The following PDE5A variants were observed in gnomAD, a reference collection of about 807,000 sequenced individuals.
The protein encoded by PDE5A is cGMP-specific 3',5'-cyclic phosphodiesterase.
PDE5A carries 67 observed loss-of-function variants against 110.2 expected under a neutral mutation model. The ratio of observed to expected loss-of-function variants is 0.61; its 90% CI spans 0.50 to 0.75. The LOEUF is 0.75. PDE5A is among the 30% of genes least tolerant of loss of function. PDE5A has a pLI of 0.00. For missense variants in PDE5A, 862 were observed against 1,045.1 expected, an observed-to-expected ratio of 0.82 and a Z score of 2.42; for synonymous variants, 328 against 351.2, an observed-to-expected ratio of 0.93 and a Z score of 0.74.
intron 3 of PDE5A, among the ~76,000 whole-genome samples, chr4:119,595,286 G>T (rs1395104618): frequency 6.6e-6 from 1 of 152,120 alleles, no homozygotes; most frequent in Non-Finnish European, 1.5e-5. Context: ...TCTCAACCTT[G>T]GCCACACACT....
chr4:119,507,613 A>G lies in PDE5A; in HGVS notation c.2180T>C (p.Leu727Pro), dbSNP rs1203329429. 7.0e-6 allele frequency: 11 copies of G among 1,561,522 alleles called. No homozygotes were observed. Among genetic ancestry groups the G allele is most frequent in the African/African-American group, 1.4e-5 (1 of 71,090 alleles). ...KQAILATDLALYIKRRGEFFE... is the reference protein window; with the variant it reads ...KQAILATDLAPYIKRRGEFFE... ...ATTTCTTAAAACTTACTTAATGTACAGTGCTAGGTCTGTAGCTAAAATAGC... is the reference window on the plus strand; with the variant it reads ...ATTTCTTAAAACTTACTTAATGTACGGTGCTAGGTCTGTAGCTAAAATAGC... The change falls in exon 16 of 21, where the codon CTG becomes CCG. Residue 727 changes from leucine (L) to proline (P), a missense_variant. Coordinates refer to ENST00000354960, the MANE Select transcript of PDE5A (RefSeq NM_001083.4).
chr4:119,617,592 G>C (rs985747509), intron 1 of PDE5A, among the ~76,000 whole-genome samples: 1 of 152,116 alleles, frequency 6.6e-6, no homozygotes, highest in African/African-American at 2.4e-5. Context: ...TTCTAGAAAA[G>C]TAAGGAAAAG....
chr4:119,533,972 C>A (rs145873673), intron 11 of PDE5A, among the ~76,000 whole-genome samples: 40 of 152,242 alleles, frequency 2.6e-4, no homozygotes, highest in African/African-American at 9.4e-4. Flanking sequence ...ACAGTGCCCT[C>A]ATATTTTGGA....
intron 1 of PDE5A, among the ~76,000 whole-genome samples, chr4:119,617,965 G>A (rs999577269): frequency 6.6e-6 from 1 of 152,066 alleles, no homozygotes. Context: ...GAAAGAGGCC[G>A]TAGAAGAAAA....
intron 1 of PDE5A, among the ~76,000 whole-genome samples, chr4:119,621,652 AG>A (rs1730148030): frequency 1.3e-4 from 1 of 7,492 alleles, no homozygotes; most frequent in Non-Finnish European, 4.4e-4. Context: ...ATAGATAGAC[AG>A]ACAGATAGAT....
At chr4:119,524,731 C>T (rs776306105) in intron 12 of PDE5A, among the ~76,000 whole-genome samples, 21 of 152,198 alleles carry the variant, frequency 1.4e-4, no homozygotes, top group Middle Eastern at 3.4e-3. Flanking sequence ...GGAGACTAGA[C>T]ATTCAACTGA....
chr4:119,501,187 A>G lies in PDE5A; in HGVS notation c.2473T>C (p.Cys825Arg). ...ATAAATACCTCATACAGTTGCAAGC[A>G]GATGGCATCTATGAACCCAACTTGC... ...SMQVGFIDAI[C>R]LQLYEALTHV... Residue 825 changes from cysteine (C) to arginine (R), a missense_variant, in exon 20 of 21, where the codon TGC (cysteine) becomes CGC (arginine). Physicochemically the swap from Cys to Arg is radical, Grantham distance 180. Coordinates refer to ENST00000354960, the MANE Select transcript of PDE5A (RefSeq NM_001083.4). The G allele has an allele frequency of 1.9e-6, 3 of 1,608,548 alleles. No homozygotes were observed. Among genetic ancestry groups the G allele is most frequent in the Non-Finnish European group, 2.6e-6 (3 of 1,175,072 alleles).
intron 11 of PDE5A, among the ~76,000 whole-genome samples, chr4:119,534,267 G>A (rs1014214227): frequency 2.0e-5 from 3 of 152,134 alleles, no homozygotes; most frequent in South Asian, 2.1e-4. Context: ...GTACCCGACC[G>A]TGGCTGGTTA....
At chr4:119,566,306 G>A (rs1338230092) in intron 4 of PDE5A, among the ~76,000 whole-genome samples, 8 of 152,114 alleles carry the variant, frequency 5.3e-5, no homozygotes, top group Non-Finnish European at 7.4e-5. Context: ...TTGTTTGAAC[G>A]TCTTCCAAAT....
In PDE5A at chr4:119,606,803, A is replaced by C. The variant is rs918092226; in HGVS notation, c.647T>G (p.Val216Gly). 8.1e-6 allele frequency: 13 copies of C among 1,614,000 alleles called. No individual in the cohort carries two copies. Among genetic ancestry groups the C allele is most frequent in the African/African-American group, 1.3e-5 (1 of 74,882 alleles). The part of the protein sequence containing the change: ...DVAEGSTLEE[V>G]SNNCIRLEWN... The stretch of plus-strand genomic sequence containing the variant: ...TTCTAAGCGGATACAGTTATTTGAA[A>C]CTTCTTCCAGTGTTGAACCTTCAGC... Residue 216 changes from valine to glycine, a missense_variant, in exon 2 of 21, where the codon GTT (valine) becomes GGT (glycine). Physicochemically the swap from Val to Gly is moderately radical, Grantham distance 109. Coordinates refer to ENST00000354960, the MANE Select transcript of PDE5A (RefSeq NM_001083.4).
chr4:119,601,836 A>G (rs1360192544), intron 2 of PDE5A, among the ~76,000 whole-genome samples: 2 of 152,206 alleles, frequency 1.3e-5, no homozygotes, highest in Admixed American at 1.3e-4. Context: ...CAGCATTAAC[A>G]TATATGGTAT....
rs1483101516 is a variant in PDE5A at position 119,497,719 on chromosome 4, C to G, written c.*882G>C. On this transcript the variant is annotated 3_prime_UTR_variant, in exon 21 of 21. Coordinates refer to ENST00000354960, the MANE Select transcript of PDE5A (RefSeq NM_001083.4). ...AACCATGTCTCACTTCAAGTCAATGCTACAATTGTCACTTTTATTTTGAAA... is the reference window on the plus strand; with the variant it reads ...AACCATGTCTCACTTCAAGTCAATGGTACAATTGTCACTTTTATTTTGAAA... 2.0e-5 allele frequency: 3 copies of G among 152,120 alleles called. No homozygotes were observed. Among genetic ancestry groups the G allele is most frequent in the African/African-American group, 4.8e-5 (2 of 41,432 alleles). 9.4% of individuals were successfully genotyped at this position (152,120 alleles called of 1,614,324 possible).
intron 4 of PDE5A, among the ~76,000 whole-genome samples, chr4:119,565,964 T>TTATAATATTATAATTATAATATTATAA (rs1292636167): frequency 1.2e-5 from 1 of 80,604 alleles, no homozygotes; most frequent in African/African-American, 4.0e-5. Flanking sequence ...TTAATTAATA[T>TTATAATATTATAATTATAATATTATAA]TATTATAATT....
chr4:119,595,040 G>A (rs1371642174), intron 3 of PDE5A, among the ~76,000 whole-genome samples: 1 of 152,176 alleles, frequency 6.6e-6, no homozygotes, highest in Non-Finnish European at 1.5e-5. Context: ...TTGACTGCAA[G>A]GATAGAAACA....
intron 16 of PDE5A, among the ~76,000 whole-genome samples, chr4:119,507,294 C>T (rs1368766890): frequency 2.0e-5 from 3 of 151,830 alleles, no homozygotes; most frequent in Non-Finnish European, 4.4e-5. Flanking sequence ...GGAGGAAAAG[C>T]AAATGATCTA....
intron 8 of PDE5A, among the ~76,000 whole-genome samples, chr4:119,553,368 T>G (rs1423922824): frequency 6.7e-6 from 1 of 149,548 alleles, no homozygotes; most frequent in African/African-American, 2.5e-5. Flanking sequence ...ATTGACATTA[T>G]GTAGGTAATA....
intron 7 of PDE5A, among the ~76,000 whole-genome samples, chr4:119,558,954 G>C (rs1727642031): frequency 6.8e-6 from 1 of 147,778 alleles, no homozygotes; most frequent in South Asian, 2.1e-4. Flanking sequence ...TAAATGTTTA[G>C]TTAACATAAG....
chr4:119,594,619 C>T (rs1414462953), intron 3 of PDE5A, among the ~76,000 whole-genome samples: 2 of 152,204 alleles, frequency 1.3e-5, no homozygotes, highest in Admixed American at 1.3e-4. Context: ...ATGATCAGTC[C>T]ATGTATGGCC....
intron 3 of PDE5A, among the ~76,000 whole-genome samples, chr4:119,582,479 C>G (rs1482588924): frequency 6.6e-6 from 1 of 152,156 alleles, no homozygotes; most frequent in Non-Finnish European, 1.5e-5. Context: ...CAACTTCTTC[C>G]AAATTCCTGT....
Sources: allele counts gnomAD v4.1 joint callset (sites outside exome capture counted in the v4.1 genomes callset), GRCh38; gene constraint gnomAD v4.1.1; transcripts MANE v1.5; gene names NCBI Gene and HGNC (gene_info 2026-07-23, HGNC 2026-07-21).